RBPJ: variants seen among roughly 807,000 people sequenced by gnomAD.
RBPJ encodes recombining binding protein suppressor of hairless.
In RBPJ, 9 loss-of-function variants were observed where a neutral mutation model predicts 67.8. That is an observed-to-expected ratio of 0.13 (90% CI 0.08 to 0.23). The LOEUF is 0.23. Ranked by LOEUF, RBPJ falls within the 10% of genes least tolerant of loss-of-function variation. The pLI, the probability that RBPJ is intolerant of heterozygous loss-of-function variation, is 1.00. For missense variants in RBPJ, 305 were observed against 595.6 expected, an observed-to-expected ratio of 0.51 and a Z score of 5.08; for synonymous variants, 198 against 203.3, an observed-to-expected ratio of 0.97 and a Z score of 0.22.
At position 26,430,432 on chromosome 4, in the gene RBPJ, G is replaced by A; in HGVS notation, c.1058G>A (p.Gly353Glu). 1 of 1,611,938 alleles carries A rather than the reference G, an allele frequency of 6.2e-7. No individual in the cohort carries two copies. The highest frequency in any genetic ancestry group is 8.5e-7 in the Non-Finnish European group (1 of 1,179,312). The change falls in exon 10 of 11, where the codon GGG (glycine) becomes GAG (glutamate). Residue 353 changes from glycine (G) to glutamate (E), a missense_variant. Physicochemically the swap from Gly to Glu is moderately conservative, Grantham distance 98. This residue lies in a region of RBPJ where 47 missense variants were observed against 128.2 expected (regional missense o/e 0.37). Coordinates refer to ENST00000355476, the MANE Select transcript of RBPJ (RefSeq NM_015874.6). The surrounding 1 kb of genome is among the most constrained non-coding windows in gnomAD (Gnocchi z 4.1). ...TGTGAATTGCAGTTGAATGGCGGTG[G>A]GGACGTAGCAATGCTTGAACTTACA... The part of the protein sequence containing the change: ...VVESLQLNGG[G>E]DVAMLELTGQ...
intron 1 of RBPJ, among the ~76,000 whole-genome samples, chr4:26,301,310 T>G (rs1176555614): frequency 6.6e-6 from 1 of 152,126 alleles, no homozygotes; most frequent in African/African-American, 2.4e-5. Flanking sequence ...AAAACAGGGA[T>G]AGCCGGGCAT....
upstream of RBPJ, among the ~76,000 whole-genome samples, chr4:26,318,413 A>G (rs1244400595): frequency 6.6e-6 from 1 of 152,202 alleles, no homozygotes; most frequent in Non-Finnish European, 1.5e-5. Context: ...TTAAAACAGT[A>G]GTCACTATAG....
the RBPJ span, among the ~76,000 whole-genome samples, chr4:26,152,707 C>T: frequency 6.6e-6 from 1 of 152,160 alleles, no homozygotes; most frequent in Non-Finnish European, 1.5e-5. Context: ...AATCCATAGC[C>T]CAAGCTCTTA....
At chr4:26,170,707 T>G (rs924003295) in intron 1 of RBPJ, among the ~76,000 whole-genome samples, 3 of 152,166 alleles carry the variant, frequency 2.0e-5, no homozygotes, top group Non-Finnish European at 4.4e-5. Context: ...AAATGATAAT[T>G]TATGCGACCT....
intron 2 of RBPJ, among the ~76,000 whole-genome samples, chr4:26,394,945 G>A (rs1181108235): frequency 6.6e-6 from 1 of 152,134 alleles, no homozygotes; most frequent in African/African-American, 2.4e-5. Flanking sequence ...CTATTTTGTA[G>A]TGTTCTCTCA....
chr4:26,166,323 C>G (rs1244238254), intron 1 of RBPJ, among the ~76,000 whole-genome samples: 9 of 116,650 alleles, frequency 7.7e-5, no homozygotes, highest in East Asian at 6.9e-4. Context: ...AACTAGTTTA[C>G]AGTCCCACCA....
chr4:26,264,220 G>C lies in RBPJ; in HGVS notation c.-166-98226G>C, dbSNP rs191741456. Among the ~76,000 whole-genome samples the C allele has an allele frequency of 3.8e-3, 572 of 152,160 alleles. 12 individuals are homozygous for C. Among genetic ancestry groups the C allele is most frequent in the Non-Finnish European group, 1.1e-3 (73 of 68,012 alleles). On this transcript the variant is annotated intron_variant, in intron 1 of 4. Coordinates refer to the RBPJ transcript ENST00000512351. This position sits in a 1 kb window ranked among gnomAD's most constrained non-coding sequence, Gnocchi z 4.1. ...TGTGTTCACAACCTGGTCCCAATTA[G>C]CTTCAACAAATTATGTGTTGAATTA... is the stretch of plus-strand genomic sequence containing the variant.
At chr4:26,324,029 T>C (rs1723361258) in intron 1 of RBPJ, among the ~76,000 whole-genome samples, 1 of 152,196 alleles carries the variant, frequency 6.6e-6, no homozygotes, top group African/African-American at 2.4e-5. Flanking sequence ...TGTGATTATT[T>C]CCAAGTTACT....
chr4:26,416,673 C>T (rs1051040268), intron 4 of RBPJ, among the ~76,000 whole-genome samples: 1 of 152,146 alleles, frequency 6.6e-6, no homozygotes, highest in African/African-American at 2.4e-5. Context: ...GCATAAACAG[C>T]TGTTTCATTA....
intron 1 of RBPJ, among the ~76,000 whole-genome samples, chr4:26,249,741 T>C (rs1008932479): frequency 1.5e-4 from 23 of 152,104 alleles, no homozygotes; most frequent in African/African-American, 5.6e-4. Flanking sequence ...ACAACTCACA[T>C]TGTTGTGCAA....
intron 1 of RBPJ, among the ~76,000 whole-genome samples, chr4:26,370,280 C>G (rs1461027468): frequency 1.3e-5 from 2 of 152,124 alleles, no homozygotes; most frequent in Non-Finnish European, 2.9e-5. Context: ...CAAATTTTTA[C>G]TTAGAATTAA....
intron 1 of RBPJ, among the ~76,000 whole-genome samples, chr4:26,306,783 A>C (rs1237414653): frequency 6.6e-6 from 1 of 151,984 alleles, no homozygotes. Context: ...TGTGTCAGAA[A>C]ATTCAAATGG....
intron 1 of RBPJ, among the ~76,000 whole-genome samples, chr4:26,356,015 C>G (rs1445989220): frequency 1.3e-5 from 2 of 152,194 alleles, no homozygotes; most frequent in African/African-American, 4.8e-5. Context: ...TACCTGAGTA[C>G]TGACTGTCCT....
chr4:26,231,639 T>C (rs1347902183), intron 1 of RBPJ, among the ~76,000 whole-genome samples: 1 of 152,032 alleles, frequency 6.6e-6, no homozygotes, highest in Non-Finnish European at 1.5e-5. Flanking sequence ...CTCGAATGCC[T>C]GACCTCAAGT....
At chr4:26,261,617 A>G (rs577998014) in intron 1 of RBPJ, among the ~76,000 whole-genome samples, 9 of 152,360 alleles carry the variant, frequency 5.9e-5, no homozygotes, top group East Asian at 5.8e-4. Context: ...GTAAACCACA[A>G]TAAAAGGAAC....
chr4:26,113,642 A>T, the RBPJ span: 1 of 305,732 alleles, frequency 3.3e-6, no homozygotes. Context: ...GGGAACACAC[A>T]CACGAGAGAA....
rs1051804646 is a variant in RBPJ at position 26,321,169 on chromosome 4, C to T, written c.20+121C>T. ...GGCGTTCGGGGGCCCGCGGGGGCGG[C>T]GTCGCGTGCGCCGAGCGCGGCGGCG... On this transcript the variant is annotated intron_variant, in intron 1 of 10. Coordinates refer to ENST00000355476, the MANE Select transcript of RBPJ (RefSeq NM_015874.6). 148 of 422,756 alleles carry T rather than the reference C, an allele frequency of 3.5e-4. 1 individual carries two copies. Among genetic ancestry groups the T allele is most frequent in the Admixed American group, 5.8e-4 (11 of 18,818 alleles). 26.2% of individuals were successfully genotyped at this position (422,756 alleles called of 1,614,324 possible).
At chr4:26,155,575 C>G in the RBPJ span, among the ~76,000 whole-genome samples, 1 of 152,094 alleles carries the variant, frequency 6.6e-6, no homozygotes, top group African/African-American at 2.4e-5. Flanking sequence ...GCTGGGACTA[C>G]AGGCATGCAC....
At chr4:26,283,879 C>T (rs1007206346) in intron 1 of RBPJ, among the ~76,000 whole-genome samples, 4 of 152,170 alleles carry the variant, frequency 2.6e-5, no homozygotes, top group Non-Finnish European at 4.4e-5. Flanking sequence ...CTTTTGACCT[C>T]GTGATCCATC....
Sources: allele counts gnomAD v4.1 joint callset (sites outside exome capture counted in the v4.1 genomes callset), GRCh38; gene constraint gnomAD v4.1.1; regional missense constraint gnomAD v4.1.1; non-coding constraint Gnocchi (gnomAD v3.1); transcripts MANE v1.5; gene names NCBI Gene and HGNC (gene_info 2026-07-23, HGNC 2026-07-21).